The following HERC1 variants were observed in gnomAD, a reference collection of about 807,000 sequenced individuals.
HERC1 encodes HECT and RLD domain containing E3 ubiquitin protein ligase family member 1.
A neutral mutation model predicts 554.3 loss-of-function variants in HERC1; 160 were observed. The observed-to-expected ratio is 0.29, with a 90% CI of 0.25 to 0.33. HERC1 has a LOEUF of 0.33. Among genes scored for constraint, HERC1 ranks in the 10% least tolerant of loss-of-function variants. HERC1 has a pLI of 1.00. For synonymous variants in HERC1, 2,175 were observed against 2,131.7 expected, an observed-to-expected ratio of 1.02 and a Z score of -0.56; for missense variants, 4,919 against 5,918.5, an observed-to-expected ratio of 0.83 and a Z score of 5.54.
intron 31 of HERC1, among the ~76,000 whole-genome samples, chr15:63,691,350 CA>C (rs1343628719): frequency 6.6e-6 from 1 of 151,674 alleles, no homozygotes; most frequent in Non-Finnish European, 1.5e-5. Flanking sequence ...CCTGTGATCC[CA>C]GCTACTTGGG....
rs1177647525 is a variant in HERC1 at position 63,795,065 on chromosome 15, CA to C, written c.-26-19417del. Among the ~76,000 whole-genome samples the C allele has an allele frequency of 1.7e-3, 119 of 68,936 alleles. No homozygotes were observed. The East Asian group carries it at 0.044, about 25-fold the overall frequency. The allele number at this position is 68,936 out of a possible 152,430, so 45.2% of individuals were successfully genotyped here. On this transcript the variant is annotated intron_variant, in intron 1 of 77. Transcript: ENST00000443617. The stretch of plus-strand genomic sequence containing the variant: ...CGGGCAACAGAGCAAGACTCTGTCT[CA>C]AAAAAAAAAAAAAAAAAAAAAGTAA...
chr15:63,792,944 T>G (rs571530502), intron 1 of HERC1, among the ~76,000 whole-genome samples: 4 of 152,230 alleles, frequency 2.6e-5, no homozygotes, highest in Non-Finnish European at 4.4e-5. Flanking sequence ...CTCCTGGGGT[T>G]TGATTACTTT....
intron 60 of HERC1, among the ~76,000 whole-genome samples, 181 bp from the exon 61 acceptor site, chr15:63,640,626 C>G (rs774661527): frequency 6.6e-6 from 1 of 151,854 alleles, no homozygotes; most frequent in African/African-American, 2.4e-5. Flanking sequence ...TTCTGTATAC[C>G]CTTCGCCCAA....
At chr15:63,626,264 A>C in intron 70 of HERC1, 110 bp from the exon 71 acceptor site, 1 of 935,590 alleles carries the variant, frequency 1.1e-6, no homozygotes, top group Non-Finnish European at 1.6e-6. Flanking sequence ...CACAATGGAC[A>C]CCCATTCAAA....
chr15:63,831,061 T>C (rs1279821567), intron 1 of HERC1, among the ~76,000 whole-genome samples: 1 of 152,218 alleles, frequency 6.6e-6, no homozygotes, highest in South Asian at 2.1e-4. Flanking sequence ...ATGTATTTCA[T>C]GTGTATGTTA....
chr15:63,789,754 T>G (rs2076576155), intron 1 of HERC1, among the ~76,000 whole-genome samples: 1 of 151,402 alleles, frequency 6.6e-6, no homozygotes, highest in African/African-American at 2.4e-5. Context: ...GCCGAGATGA[T>G]GCCACCCAGG....
chr15:63,613,496 C>T (rs576241234), intron 76 of HERC1, among the ~76,000 whole-genome samples: 4 of 152,280 alleles, frequency 2.6e-5, no homozygotes, highest in Admixed American at 6.5e-5. Context: ...AACCATCTAC[C>T]ACCATTTAAA....
intron 21 of HERC1, among the ~76,000 whole-genome samples, chr15:63,717,643 G>A (rs1044269977): frequency 3.3e-5 from 5 of 152,132 alleles, no homozygotes; most frequent in African/African-American, 4.8e-5. Context: ...CACTTGAGGT[G>A]TTCAAACTCC....
chr15:63,803,317 A>C (rs757731394), intron 1 of HERC1, among the ~76,000 whole-genome samples: 2 of 152,242 alleles, frequency 1.3e-5, no homozygotes, highest in Non-Finnish European at 2.9e-5. Flanking sequence ...AACTGCCAGT[A>C]ATTGATAGAG....
chr15:63,640,256 T>C lies in HERC1; in HGVS notation c.11797A>G (p.Thr3933Ala), dbSNP rs1481955245. The change falls in exon 61 of 78, where the codon ACT (threonine) becomes GCT (alanine). Residue 3933 changes from threonine to alanine, a missense_variant. By Grantham distance (58) the Thr-to-Ala change is moderately conservative. Around this residue, in one of 11 missense-constraint regions of HERC1, gnomAD observed 1,963 missense variants for 2,228.6 expected, o/e 0.88. Transcript: ENST00000443617. ...EWAWLECFST[T>A]IKAAEALTNG... is the part of the protein sequence containing the mutation. ...GTCAGGGCTTCGGCAGCTTTTATAG[T>C]GGTTGAGAAACATTCTAACCAGGCC... is the stretch of plus-strand genomic sequence containing the variant. 1.9e-6 allele frequency: 3 copies of C among 1,613,852 alleles called. No individual in the cohort carries two copies. Among genetic ancestry groups the C allele is most frequent in the Non-Finnish European group, 2.5e-6 (3 of 1,179,848 alleles).
In HERC1 at chr15:63,693,784, T is replaced by A. The variant is rs145086846; in HGVS notation, c.5674+180A>T. Among the ~76,000 whole-genome samples the A allele has an allele frequency of 4.0e-3, 607 of 152,188 alleles. 7 individuals carry two copies. Among genetic ancestry groups the A allele is most frequent in the African/African-American group, 0.014 (590 of 41,518 alleles). On this transcript the variant is annotated intron_variant, in intron 30 of 77. Transcript: ENST00000443617. ...AGGGTTAACAGACTCTAAGCAGAGA[T>A]GTTTGGTCAGAAGCTCATCTAAATC...
rs561485833 is a variant in HERC1, at chr15:63,624,711, T to C, written c.13276-384A>G. ...CCCTGTCTCAATATTATTTGAAAAA[T>C]TGAAAAAAGAACATACATTATTTTA... On this transcript the variant is annotated intron_variant, in intron 71 of 77. Coordinates refer to ENST00000443617, the MANE Select transcript of HERC1 (RefSeq NM_003922.4). 1.1e-3 allele frequency among the ~76,000 whole-genome samples: 173 copies of C among 151,984 alleles called. 1 individual carries two copies. The highest frequency in any genetic ancestry group is 4.1e-3 in the African/African-American group (171 of 41,488).
At chr15:63,630,838 T>C in intron 68 of HERC1, 3 of 488,868 alleles carry the variant, frequency 6.1e-6, no homozygotes, top group Admixed American at 3.8e-5. Context: ...CTGCAAAACA[T>C]CACAGGCTCT....
rs2074430949 is a variant in HERC1, at chr15:63,734,811, C to T, written c.2559G>A (p.Leu853=). ...CCATCCGTTCTCGTAATGGAGGTAA[C>T]AGCATGGTTGCTCCCACTGATAAAG... The part of the protein sequence containing the change: ...IETLSVGATM[L]LPPLRERMEL... The change falls in exon 13 of 78, where the codon CTG becomes CTA. Residue 853 remains leucine, a synonymous_variant. Coordinates refer to ENST00000443617, the MANE Select transcript of HERC1 (RefSeq NM_003922.4). The surrounding 1 kb of genome is among the most constrained non-coding windows in gnomAD (Gnocchi z 4.6). 6 of 1,610,100 alleles carry T rather than the reference C, an allele frequency of 3.7e-6. No individual in the cohort carries two copies. In the East Asian group the frequency reaches 6.7e-5, roughly 18 times the overall value.
chr15:63,802,344 T>G (rs966385492), intron 1 of HERC1, among the ~76,000 whole-genome samples: 1 of 152,230 alleles, frequency 6.6e-6, no homozygotes, highest in African/African-American at 2.4e-5. Flanking sequence ...AGGAAAAGAT[T>G]TGCTGAGTTT....
At position 63,756,703 on chromosome 15, in the gene HERC1, A is replaced by G. The variant is rs762158557; in HGVS notation, c.1267T>C (p.Ser423Pro). ...YCTFVISTDG[S>P]VRACGKGSYG... is the part of the protein sequence containing the mutation. ...CTGCCTTTCCCGCAAGCTCTAACAG[A>G]GCCATCCGTAGAAATGACAAAAGTG... Residue 423 changes from serine (S) to proline (P), a missense_variant, in exon 5 of 78, where the codon TCT (serine) becomes CCT (proline). Around this residue, in one of 11 missense-constraint regions of HERC1, gnomAD observed 744 missense variants for 1,090.0 expected, o/e 0.68. Coordinates refer to ENST00000443617, the MANE Select transcript of HERC1 (RefSeq NM_003922.4). This position sits in a 1 kb window ranked among gnomAD's most constrained non-coding sequence, Gnocchi z 5.0. 6.2e-7 allele frequency: 1 copy of G among 1,612,444 alleles called. No individual in the cohort carries two copies.
chr15:63,807,706 A>T (rs2077176755), intron 1 of HERC1, among the ~76,000 whole-genome samples: 1 of 151,230 alleles, frequency 6.6e-6, no homozygotes, highest in Admixed American at 6.6e-5. Context: ...ACCACACCAC[A>T]CTCCCCAACT....
intron 2 of HERC1, among the ~76,000 whole-genome samples, chr15:63,770,150 C>T (rs1329813093): frequency 6.6e-6 from 1 of 152,188 alleles, no homozygotes; most frequent in Non-Finnish European, 1.5e-5. Flanking sequence ...CATCCCGGGG[C>T]TTGCTCTCCC....
Position 63,633,857 on chromosome 15 carries a change from A to G in HERC1, c.12684T>C (p.Ser4228=). The change falls in exon 67 of 78, where the codon TCT becomes TCC. Residue 4228 remains serine (S), a synonymous_variant. Transcript: ENST00000443617. ...TCAAGGCAGTACTGACCTGAGGTGA[A>G]GATTTTGCAGTGGAATTTCCTAAGC... ...KLGLGNSTAK[S]SPQKIDVLCG... is the part of the protein sequence containing the mutation. The G allele has an allele frequency of 6.2e-7, 1 of 1,613,106 alleles. No individual in the cohort carries two copies. Among genetic ancestry groups the G allele is most frequent in the Non-Finnish European group, 8.5e-7 (1 of 1,179,454 alleles).
Sources: gnomAD v4.1 joint callset for allele counts (sites outside exome capture counted in the v4.1 genomes callset) on GRCh38, gnomAD v4.1.1 for gene constraint, gnomAD v4.1.1 regional missense constraint, Gnocchi (gnomAD v3.1) non-coding constraint, MANE v1.5 for transcripts, NCBI Gene and HGNC (gene_info 2026-07-23, HGNC 2026-07-21) for gene names.